Variants in MACROD2 observed in about 807,000 individuals in gnomAD.
MACROD2 encodes mono-ADP ribosylhydrolase 2, also known as ADP-ribose glycohydrolase MACROD2.
A neutral mutation model predicts 70.4 loss-of-function variants in MACROD2; 36 were observed. The observed-to-expected ratio is 0.51, with a 90% CI of 0.39 to 0.68. MACROD2 has a LOEUF of 0.68. Among genes scored for constraint, MACROD2 ranks in the 30% least tolerant of loss-of-function variants. The probability of loss-of-function intolerance (pLI) is 0.00; values close to 1 mark genes in which losing one functional copy is unlikely to be tolerated. For missense variants in MACROD2, 496 were observed against 538.4 expected, an observed-to-expected ratio of 0.92 and a Z score of 0.78; for synonymous variants, 172 against 178.8, an observed-to-expected ratio of 0.96 and a Z score of 0.30.
At chr20:14,393,141 C>T (rs2083546131) in intron 3 of MACROD2, among the ~76,000 whole-genome samples, 1 of 152,056 alleles carries the variant, frequency 6.6e-6, no homozygotes, top group African/African-American at 2.4e-5. Context: ...GAGTGTATCT[C>T]ATTGAAATAT....
At chr20:15,514,861 A>G (rs1376516629) in intron 8 of MACROD2, among the ~76,000 whole-genome samples, 2 of 152,206 alleles carry the variant, frequency 1.3e-5, no homozygotes, top group African/African-American at 4.8e-5. Flanking sequence ...CAAGTTCATA[A>G]CTACAATCAT....
chr20:15,358,588 A>G (rs2078316186), intron 6 of MACROD2, among the ~76,000 whole-genome samples: 2 of 152,212 alleles, frequency 1.3e-5, no homozygotes, highest in Admixed American at 6.5e-5. Flanking sequence ...AATTATATAT[A>G]TTCTTCTGCA....
At chr20:14,715,835 G>C (rs1360049978) in intron 5 of MACROD2, among the ~76,000 whole-genome samples, 1 of 152,150 alleles carries the variant, frequency 6.6e-6, no homozygotes, top group African/African-American at 2.4e-5. Context: ...GTCATACAAA[G>C]ACAATACAGC....
At chr20:15,750,815 T>C (rs934746170) in intron 8 of MACROD2, among the ~76,000 whole-genome samples, 20 of 151,966 alleles carry the variant, frequency 1.3e-4, no homozygotes, top group African/African-American at 4.8e-4. Context: ...ATCCTGTCAT[T>C]TGGGACAACA....
chr20:15,869,265 A>AGAGAGAGAGAGAGAGCGAGC (rs1322416478), intron 9 of MACROD2, among the ~76,000 whole-genome samples: 3 of 141,880 alleles, frequency 2.1e-5, no homozygotes, highest in African/African-American at 7.7e-5. Flanking sequence ...AGAGAGAGAG[A>AGAGAGAGAGAGAGAGCGAGC]GAGCAATGCT....
intron 3 of MACROD2, among the ~76,000 whole-genome samples, chr20:14,258,522 G>T (rs1187105876): frequency 6.6e-6 from 1 of 152,084 alleles, no homozygotes; most frequent in Non-Finnish European, 1.5e-5. Flanking sequence ...CTTCTTTTGA[G>T]AATTGTCTAT....
chr20:15,241,417 T>C (rs1203593602), intron 6 of MACROD2, among the ~76,000 whole-genome samples: 1 of 152,198 alleles, frequency 6.6e-6, no homozygotes, highest in Non-Finnish European at 1.5e-5. Flanking sequence ...AATTATCTCA[T>C]TACCATTGCA....
chr20:14,522,618 C>T (rs535033840), intron 4 of MACROD2, among the ~76,000 whole-genome samples: 26 of 152,238 alleles, frequency 1.7e-4, no homozygotes, highest in Non-Finnish European at 3.4e-4. Flanking sequence ...TTCTCTCCAA[C>T]AGGCCTTTTG....
intron 5 of MACROD2, among the ~76,000 whole-genome samples, chr20:15,061,753 G>A (rs1338776613): frequency 1.3e-5 from 2 of 152,152 alleles, no homozygotes; most frequent in Admixed American, 6.5e-5. Context: ...AAAGATGTCT[G>A]ATGATAAAGT....
At chr20:14,742,993 C>T (rs2071752971) in intron 5 of MACROD2, among the ~76,000 whole-genome samples, 2 of 152,130 alleles carry the variant, frequency 1.3e-5, no homozygotes, top group Admixed American at 6.5e-5. Context: ...GTCTCGATCT[C>T]CTGACCTCGT....
intron 6 of MACROD2, among the ~76,000 whole-genome samples, chr20:15,246,987 T>A (rs1038423739): frequency 1.3e-5 from 2 of 152,120 alleles, no homozygotes; most frequent in Non-Finnish European, 2.9e-5. Context: ...GCATAGGAAA[T>A]CCGTAGATAC....
At chr20:14,611,977 G>A (rs1014331048) in intron 4 of MACROD2, among the ~76,000 whole-genome samples, 1 of 152,128 alleles carries the variant, frequency 6.6e-6, no homozygotes, top group East Asian at 1.9e-4. Flanking sequence ...AAGGCAAGAA[G>A]CAGGGGATTA....
chr20:15,625,818 C>G (rs908810179), intron 8 of MACROD2, among the ~76,000 whole-genome samples: 1 of 148,834 alleles, frequency 6.7e-6, no homozygotes, highest in African/African-American at 2.5e-5. Flanking sequence ...ACTTTCTTCT[C>G]TCTCCTTTCA....
At chr20:15,801,009 T>C (rs1444710430) in intron 8 of MACROD2, among the ~76,000 whole-genome samples, 2 of 150,400 alleles carry the variant, frequency 1.3e-5, no homozygotes, top group Admixed American at 6.6e-5. Flanking sequence ...TTAAGAGTCA[T>C]CGCCACTCCC....
intron 3 of MACROD2, among the ~76,000 whole-genome samples, chr20:14,116,829 G>T (rs1231287268): frequency 6.6e-6 from 1 of 152,064 alleles, no homozygotes; most frequent in African/African-American, 2.4e-5. Flanking sequence ...AGCACTTTGG[G>T]AGGCCGAGGC....
intron 6 of MACROD2, among the ~76,000 whole-genome samples, chr20:15,414,621 G>A (rs73269083): frequency 0.024 from 3,716 of 152,262 alleles, 72 homozygotes; most frequent in Non-Finnish European, 0.038. Context: ...CAAGTATAGA[G>A]CACACGCTTC....
At chr20:15,084,077 T>G (rs112096289) in intron 5 of MACROD2, among the ~76,000 whole-genome samples, 1,673 of 145,730 alleles carry the variant, frequency 0.011, 33 homozygotes, top group African/African-American at 0.04. Flanking sequence ...TTTTTGTTTT[T>G]TTTTTTTAAT....
chr20:14,016,709 C>A (rs1351756269), intron 2 of MACROD2, among the ~76,000 whole-genome samples: 4 of 152,078 alleles, frequency 2.6e-5, no homozygotes, highest in Non-Finnish European at 4.4e-5. Flanking sequence ...AAAAAACATT[C>A]TATTGATTTG....
intron 10 of MACROD2, among the ~76,000 whole-genome samples, chr20:15,912,325 C>T (rs1372681228): frequency 1.3e-5 from 2 of 152,144 alleles, no homozygotes; most frequent in Non-Finnish European, 2.9e-5. Context: ...AATTAGGAAA[C>T]GTTGGGTCTC....
Sources: allele counts gnomAD v4.1 joint callset (sites outside exome capture counted in the v4.1 genomes callset), GRCh38; gene constraint gnomAD v4.1.1; transcripts MANE v1.5; gene names NCBI Gene and HGNC (gene_info 2026-07-23, HGNC 2026-07-21).